Variants in NUBPL observed in about 807,000 individuals in gnomAD.
NUBPL encodes NUBP iron-sulfur cluster assembly factor, mitochondrial.
NUBPL carries 31 observed loss-of-function variants against 45.7 expected under a neutral mutation model. The ratio of observed to expected loss-of-function variants is 0.68; its 90% CI spans 0.51 to 0.92. NUBPL has a LOEUF of 0.92. Ranked by LOEUF, NUBPL falls within the 40% of genes least tolerant of loss-of-function variation. The probability of loss-of-function intolerance (pLI) is 0.00; values close to 1 mark genes in which losing one functional copy is unlikely to be tolerated. For synonymous variants in NUBPL, 144 were observed against 140.9 expected, an observed-to-expected ratio of 1.02 and a Z score of -0.15; for missense variants, 401 against 398.7, an observed-to-expected ratio of 1.01 and a Z score of -0.05.
intron 6 of NUBPL, among the ~76,000 whole-genome samples, chr14:31,704,020 C>G (rs1295898059): frequency 6.6e-6 from 1 of 152,190 alleles, no homozygotes; most frequent in African/African-American, 2.4e-5. Flanking sequence ...TCATGCCGGT[C>G]TAACTACCTG....
In NUBPL at chr14:31,826,812, A is replaced by G. The variant is rs1540425; in HGVS notation, c.693+98A>G. ...AGTTGAAGTTTTAATTTAGTCCTGT[A>G]CAGAAGTCTTTATGAAAGTCCTAGT... On this transcript the variant is annotated intron_variant, in intron 8 of 10. Coordinates refer to ENST00000281081, the MANE Select transcript of NUBPL (RefSeq NM_025152.3). The G allele has an allele frequency of 0.97, 1,090,281 of 1,120,704 alleles. 530,552 individuals are homozygous for G. Among genetic ancestry groups the G allele is most frequent in the East Asian group, 1 (40,819 of 40,828 alleles). The allele number at this position is 1,120,704 out of a possible 1,614,324, so 69.4% of individuals were successfully genotyped here.
rs187448527 is a variant in NUBPL, at chr14:31,668,143, C to T, written c.383-5212C>T. ...CGGCAGGCAGGAATGTTTAAGTCAG[C>T]TGAAGCTGCATCCACAGCTGCGCCT... On this transcript the variant is annotated intron_variant, in intron 4 of 10. Coordinates refer to ENST00000281081, the MANE Select transcript of NUBPL (RefSeq NM_025152.3). 6.2e-4 allele frequency among the ~76,000 whole-genome samples: 95 copies of T among 152,342 alleles called. 2 individuals are homozygous for T. The highest frequency in any genetic ancestry group is 4.6e-3 in the Admixed American group (70 of 15,308).
At chr14:31,605,957 C>T (rs2034583812) in intron 4 of NUBPL, among the ~76,000 whole-genome samples, 1 of 148,392 alleles carries the variant, frequency 6.7e-6, no homozygotes. Flanking sequence ...TCTTCTCCCT[C>T]CTCCTCTTCT....
chr14:31,594,850 T>A (rs1383087862), intron 3 of NUBPL, among the ~76,000 whole-genome samples: 1 of 152,198 alleles, frequency 6.6e-6, no homozygotes, highest in Admixed American at 6.5e-5. Context: ...CAACTGCCAG[T>A]CCGAGATTAA....
At position 31,561,430 on chromosome 14, in the gene NUBPL, G is replaced by T; in HGVS notation, c.-10G>T. 2 of 1,393,810 alleles carry T rather than the reference G, an allele frequency of 1.4e-6. No individual in the cohort carries two copies. Among genetic ancestry groups the T allele is most frequent in the Non-Finnish European group, 1.9e-6 (2 of 1,062,780 alleles). The allele number at this position is 1,393,810 out of a possible 1,614,324, so 86.3% of individuals were successfully genotyped here. On this transcript the variant is annotated 5_prime_UTR_variant, in exon 1 of 11. Coordinates refer to ENST00000281081, the MANE Select transcript of NUBPL (RefSeq NM_025152.3). ...GTTTCCCAGCAGGGCTCACAGCAGC[G>T]TTCCGCGTCATGGGGATTTGGCAGC...
chr14:31,756,390 T>C (rs1396163856), intron 6 of NUBPL, among the ~76,000 whole-genome samples: 1 of 152,142 alleles, frequency 6.6e-6, no homozygotes, highest in African/African-American at 2.4e-5. Flanking sequence ...CAGTGGTTTG[T>C]AGTTCTCCTT....
intron 7 of NUBPL, among the ~76,000 whole-genome samples, chr14:31,824,674 T>C (rs1004780715): frequency 2.6e-5 from 4 of 152,154 alleles, no homozygotes; most frequent in Non-Finnish European, 5.9e-5. Flanking sequence ...TCCTACCACT[T>C]TTCTCTATTT....
intron 3 of NUBPL, among the ~76,000 whole-genome samples, chr14:31,592,183 C>T (rs940597817): frequency 2.0e-5 from 3 of 151,966 alleles, no homozygotes; most frequent in Non-Finnish European, 2.9e-5. Flanking sequence ...GGGGCAAAGG[C>T]CAATAGGTGG....
At chr14:31,770,724 A>C (rs2138761614) in intron 6 of NUBPL, among the ~76,000 whole-genome samples, 1 of 152,306 alleles carries the variant, frequency 6.6e-6, no homozygotes, top group Middle Eastern at 3.4e-3. Context: ...ACTAGAAACT[A>C]AATTTCTCCT....
At chr14:31,826,784 T>C in intron 8 of NUBPL, 70 bp downstream of exon 8, 5 of 1,405,530 alleles carry the variant, frequency 3.6e-6, no homozygotes, top group Non-Finnish European at 5.0e-6. Context: ...CATTGAAAAA[T>C]ACAGTTGAAG....
intron 6 of NUBPL, among the ~76,000 whole-genome samples, chr14:31,692,817 C>T (rs1384290037): frequency 1.3e-5 from 2 of 152,156 alleles, no homozygotes; most frequent in Non-Finnish European, 2.9e-5. Context: ...AATTGAGTCC[C>T]CTAAGTACCT....
chr14:31,714,243 G>T (rs1447831001), intron 6 of NUBPL, among the ~76,000 whole-genome samples: 2 of 152,052 alleles, frequency 1.3e-5, no homozygotes, highest in African/African-American at 2.4e-5. Flanking sequence ...GATCAACTTG[G>T]CAGTGGTAGC....
intron 4 of NUBPL, among the ~76,000 whole-genome samples, chr14:31,659,360 G>A (rs2036215668): frequency 6.6e-6 from 1 of 152,154 alleles, no homozygotes; most frequent in African/African-American, 2.4e-5. Context: ...GGGACATAAT[G>A]TTGAAAAGAT....
chr14:31,772,701 G>T (rs1037694689), intron 6 of NUBPL, among the ~76,000 whole-genome samples: 2 of 152,106 alleles, frequency 1.3e-5, no homozygotes, highest in African/African-American at 4.8e-5. Context: ...GATCGTCAGG[G>T]CCAGCCTGCT....
chr14:31,707,140 G>A (rs577705363), intron 6 of NUBPL, among the ~76,000 whole-genome samples: 73 of 152,250 alleles, frequency 4.8e-4, no homozygotes, highest in East Asian at 1.9e-4. Flanking sequence ...AGATCTGGTC[G>A]GACCTTTGTA....
At chr14:31,677,982 G>T (rs958626615) in intron 6 of NUBPL, among the ~76,000 whole-genome samples, 3 of 152,202 alleles carry the variant, frequency 2.0e-5, no homozygotes, top group African/African-American at 7.2e-5. Context: ...CTGGTGTTCT[G>T]TTATACTGCT....
At chr14:31,833,918 C>T (rs2040232813) in intron 8 of NUBPL, among the ~76,000 whole-genome samples, 1 of 152,048 alleles carries the variant, frequency 6.6e-6, no homozygotes, top group Non-Finnish European at 1.5e-5. Flanking sequence ...TAGTTGTGTG[C>T]CAAGGAAGAT....
chr14:31,658,544 A>T (rs977318488), intron 4 of NUBPL, among the ~76,000 whole-genome samples: 5 of 150,546 alleles, frequency 3.3e-5, no homozygotes, highest in Non-Finnish European at 7.4e-5. Flanking sequence ...AGGGAGTCTC[A>T]CTCTGTCACC....
At chr14:31,632,236 T>C (rs2035364183) in intron 4 of NUBPL, among the ~76,000 whole-genome samples, 4 of 152,174 alleles carry the variant, frequency 2.6e-5, no homozygotes, top group African/African-American at 4.8e-5. Context: ...CAGTTTACTG[T>C]CCCTACACCT....
Sources: gnomAD v4.1 joint callset for allele counts (sites outside exome capture counted in the v4.1 genomes callset) on GRCh38, gnomAD v4.1.1 for gene constraint, MANE v1.5 for transcripts, NCBI Gene and HGNC (gene_info 2026-07-23, HGNC 2026-07-21) for gene names.